UXS1: variants seen among roughly 807,000 people sequenced by gnomAD.
The protein encoded by UXS1 is UDP-glucuronic acid decarboxylase 1.
UXS1 carries 33 observed loss-of-function variants against 62.6 expected under a neutral mutation model. That is an observed-to-expected ratio of 0.53 (90% CI 0.40 to 0.70). The LOEUF (loss-of-function observed/expected upper bound fraction) is 0.70, where lower values mean the gene tolerates loss of function less well. Ranked by LOEUF, UXS1 falls within the 30% of genes least tolerant of loss-of-function variation. The probability of loss-of-function intolerance (pLI) is 0.00; values close to 1 mark genes in which losing one functional copy is unlikely to be tolerated. For synonymous variants in UXS1, 213 were observed against 206.8 expected, an observed-to-expected ratio of 1.03 and a Z score of -0.26; for missense variants, 434 against 556.3, an observed-to-expected ratio of 0.78 and a Z score of 2.21.
intron 1 of UXS1, among the ~76,000 whole-genome samples, chr2:106,186,517 CAT>C (rs1156460324): frequency 2.0e-5 from 3 of 151,434 alleles, no homozygotes; most frequent in South Asian, 2.1e-4. Context: ...CACACACACA[CAT>C]ATATAGGTAA....
Position 106,177,284 on chromosome 2 carries a change from C to G in UXS1, c.95-11201G>C, listed in dbSNP as rs890319202. Among the ~76,000 whole-genome samples the G allele has an allele frequency of 2.1e-5, 3 of 146,280 alleles. No homozygotes were observed. The East Asian group carries it at 6.1e-4, about 30-fold the overall frequency. On this transcript the variant is annotated intron_variant, in intron 1 of 14. Coordinates refer to ENST00000283148, the MANE Select transcript of UXS1 (RefSeq NM_001253875.2). ...GATCTTGGCTCACTGTAACCTTTGC[C>G]GCCCGGGTTCAAGCGATTCTCCTGT...
chr2:106,176,679 G>A (rs1335774550), intron 1 of UXS1, among the ~76,000 whole-genome samples: 3 of 152,194 alleles, frequency 2.0e-5, no homozygotes, highest in Non-Finnish European at 2.9e-5. Flanking sequence ...AGCCTTCCAG[G>A]CCTGTGCTCA....
In UXS1 at chr2:106,165,725, G is replaced by C. The variant is rs186173516; in HGVS notation, c.122+331C>G. On this transcript the variant is annotated intron_variant, in intron 2 of 14. Coordinates refer to ENST00000283148, the MANE Select transcript of UXS1 (RefSeq NM_001253875.2). ...GACAGCTCCCTTCTCAGAAGGCTTT[G>C]CAAAAGCCCCTCAGTGTTCTTGCTC... Among the ~76,000 whole-genome samples, 6 of 152,168 alleles carry C rather than the reference G, an allele frequency of 3.9e-5. No individual in the cohort carries two copies. The East Asian group carries it at 1.2e-3, about 29-fold the overall frequency.
intron 1 of UXS1, among the ~76,000 whole-genome samples, chr2:106,176,603 T>C (rs575791948): frequency 4.5e-4 from 69 of 152,282 alleles, no homozygotes; most frequent in Admixed American, 1.7e-3. Context: ...CTCCTGAACC[T>C]GAAGGAGCCT....
chr2:106,124,572 A>T (rs1679775514), intron 8 of UXS1, among the ~76,000 whole-genome samples: 1 of 152,028 alleles, frequency 6.6e-6, no homozygotes. Context: ...CATAAATTAC[A>T]CTCTCCAATT....
intron 9 of UXS1, among the ~76,000 whole-genome samples, chr2:106,113,986 T>G (rs1379318225): frequency 6.6e-6 from 1 of 152,192 alleles, no homozygotes; most frequent in African/African-American, 2.4e-5. Flanking sequence ...CTGGCATGGG[T>G]TGGGAATGGG....
chr2:106,094,978 T>A (rs886528004), intron 14 of UXS1, among the ~76,000 whole-genome samples: 5 of 152,212 alleles, frequency 3.3e-5, no homozygotes, highest in Non-Finnish European at 7.3e-5. Context: ...CACACACACT[T>A]GGGACAATTA....
At chr2:106,168,947 T>C (rs1029194355) in intron 1 of UXS1, among the ~76,000 whole-genome samples, 20 of 152,328 alleles carry the variant, frequency 1.3e-4, no homozygotes, top group Admixed American at 1.3e-3. Flanking sequence ...TGAGTAACTG[T>C]TTAATTTTCC....
intron 11 of UXS1, 26 bp from the exon 12 acceptor site, chr2:106,101,144 G>A (rs563980369): frequency 3.7e-6 from 6 of 1,613,122 alleles, no homozygotes; most frequent in Non-Finnish European, 2.5e-6. Context: ...AGGCAGGTGA[G>A]GCTCTGCCTG....
intron 4 of UXS1, among the ~76,000 whole-genome samples, chr2:106,158,796 G>A (rs755011451): frequency 3.9e-5 from 6 of 152,160 alleles, no homozygotes; most frequent in South Asian, 4.1e-4. Flanking sequence ...AACAGAGGTC[G>A]CAAGATTTGT....
intron 5 of UXS1, 105 bp downstream of exon 5, chr2:106,157,953 A>C: frequency 9.8e-7 from 1 of 1,020,478 alleles, no homozygotes; most frequent in South Asian, 1.5e-5. Flanking sequence ...TAAGCCACTG[A>C]ATCGTATCTT....
rs368053152 is a variant in UXS1, at chr2:106,104,200, T to G, written c.923+594A>C. On this transcript the variant is annotated intron_variant, in intron 11 of 14. Coordinates refer to ENST00000283148, the MANE Select transcript of UXS1 (RefSeq NM_001253875.2). ...ACTTTGGCATACACAACTGCTTCTA[T>G]CCTAACTACTCTGAGAATCCACACT... is the stretch of plus-strand genomic sequence containing the variant. Among the ~76,000 whole-genome samples the G allele has an allele frequency of 2.6e-5, 4 of 152,278 alleles. 1 individual carries two copies. The highest frequency in any genetic ancestry group is 3.4e-3 in the Middle Eastern group (1 of 294).
intron 9 of UXS1, among the ~76,000 whole-genome samples, chr2:106,113,416 C>CTGTTCATTTTCACCTCTA (rs759207121): frequency 1.1e-4 from 17 of 152,184 alleles, no homozygotes; most frequent in African/African-American, 4.1e-4. Flanking sequence ...GTCATCCCTC[C>CTGTTCATTTTCACCTCTA]TGTTCATTTT....
intron 5 of UXS1, among the ~76,000 whole-genome samples, chr2:106,153,376 A>G (rs545589630): frequency 3.9e-5 from 6 of 152,340 alleles, no homozygotes; most frequent in African/African-American, 1.4e-4. Context: ...AATCAGGGAA[A>G]GAGACTGTCA....
intron 12 of UXS1, among the ~76,000 whole-genome samples, chr2:106,099,981 T>C (rs1677460242): frequency 6.6e-6 from 1 of 152,186 alleles, no homozygotes; most frequent in South Asian, 2.1e-4. Context: ...AGATGGCTGG[T>C]TACAAAGACA....
intron 1 of UXS1, among the ~76,000 whole-genome samples, chr2:106,191,915 T>C (rs576328618): frequency 5.3e-4 from 80 of 152,350 alleles, no homozygotes; most frequent in Non-Finnish European, 9.7e-4. Context: ...TTCCAATTCA[T>C]GCCCACCTCA....
At chr2:106,191,703 G>A (rs1419360946) in intron 1 of UXS1, among the ~76,000 whole-genome samples, 1 of 152,134 alleles carries the variant, frequency 6.6e-6, no homozygotes, top group Non-Finnish European at 1.5e-5. Flanking sequence ...CTTGGCTGCC[G>A]CAGGACCTCT....
At position 106,096,747 on chromosome 2, in the gene UXS1, CT is replaced by C; in HGVS notation, c.1116del (p.Ala373GlnfsTer3). 1 of 1,585,060 alleles carries C rather than the reference CT, an allele frequency of 6.3e-7. No individual in the cohort carries two copies. Among genetic ancestry groups the C allele is most frequent in the Non-Finnish European group, 8.6e-7 (1 of 1,164,032 alleles). ...DPQKRKPDIK[K>X]AKLMLGWEPV... ...GGCTCCCACCCCAGCATCAGCTTTGCTTTTTTGATGTCTGGTTTTCTTTTCT... is the reference window on the plus strand; with the variant it reads ...GGCTCCCACCCCAGCATCAGCTTTGCTTTTTGATGTCTGGTTTTCTTTTCT... On this transcript the variant is annotated frameshift_variant, in exon 14 of 15. Coordinates refer to ENST00000283148, the MANE Select transcript of UXS1 (RefSeq NM_001253875.2). LOFTEE classifies it high-confidence loss of function.
intron 1 of UXS1, among the ~76,000 whole-genome samples, chr2:106,178,200 C>T (rs1019595294): frequency 1.3e-5 from 2 of 152,224 alleles, no homozygotes; most frequent in Non-Finnish European, 2.9e-5. Context: ...ATGCCACCTC[C>T]TTCCGGGCCC....
Sources: allele counts gnomAD v4.1 joint callset (sites outside exome capture counted in the v4.1 genomes callset), GRCh38; gene constraint gnomAD v4.1.1; transcripts MANE v1.5; gene names NCBI Gene and HGNC (gene_info 2026-07-23, HGNC 2026-07-21).